The following RNF217 variants were observed in gnomAD, a reference collection of about 807,000 sequenced individuals.
The protein encoded by RNF217 is ring finger protein 217.
A neutral mutation model predicts 57.8 loss-of-function variants in RNF217; 31 were observed. That is an observed-to-expected ratio of 0.54 (90% confidence interval 0.40 to 0.72). The LOEUF (loss-of-function observed/expected upper bound fraction) is 0.72. Among genes scored for constraint, RNF217 ranks in the 30% least tolerant of loss-of-function variants. The pLI is 0.00. For missense variants in RNF217, 696 were observed against 708.3 expected (o/e 0.98, Z 0.20); for synonymous variants, 313 against 294.0 (o/e 1.06, Z -0.66).
chr6:125,037,732 G>A (rs918942891), intron 1 of RNF217, among the ~76,000 whole-genome samples: 1 of 152,120 alleles, frequency 6.6e-6, no homozygotes, highest in African/African-American at 2.4e-5. Flanking sequence ...TGCTTTGCTT[G>A]TAGTAGATCT....
intron 1 of RNF217, among the ~76,000 whole-genome samples, chr6:125,004,308 G>A (rs1414279923): frequency 6.6e-6 from 1 of 152,106 alleles, no homozygotes; most frequent in Admixed American, 6.6e-5. Context: ...AAGAACAGCT[G>A]GCATCAGGTG....
chr6:124,992,601 A>C (rs1403189252), intron 1 of RNF217, among the ~76,000 whole-genome samples: 2 of 152,152 alleles, frequency 1.3e-5, no homozygotes, highest in African/African-American at 4.8e-5. Context: ...TTTCTTGTTG[A>C]AATTGACTTG....
intron 1 of RNF217, among the ~76,000 whole-genome samples, chr6:125,018,155 A>G (rs1785684239): frequency 6.6e-6 from 1 of 152,178 alleles, no homozygotes; most frequent in South Asian, 2.1e-4. Flanking sequence ...TCAAATTAGC[A>G]TTAATTAGAG....
At chr6:125,022,386 T>G (rs747785663) in intron 1 of RNF217, among the ~76,000 whole-genome samples, 1 of 152,204 alleles carries the variant, frequency 6.6e-6, no homozygotes, top group Non-Finnish European at 1.5e-5. Flanking sequence ...CAAAAATAAG[T>G]AACAATTAAT....
At chr6:124,982,026 CAAAAAA>C (rs373182508) in intron 1 of RNF217, among the ~76,000 whole-genome samples, 1 of 58,380 alleles carries the variant, frequency 1.7e-5, no homozygotes, top group African/African-American at 7.4e-5. Context: ...GACTCTGTCT[CAAAAAA>C]AAAAAAAAAA....
intron 1 of RNF217, among the ~76,000 whole-genome samples, chr6:125,036,023 A>C (rs1293263519): frequency 6.6e-5 from 10 of 152,042 alleles, no homozygotes; most frequent in Non-Finnish European, 1.5e-4. Context: ...CCCGTCATCT[A>C]GGCTTTAAGC....
intron 1 of RNF217, among the ~76,000 whole-genome samples, chr6:125,017,795 CTG>C (rs1487592262): frequency 6.6e-6 from 1 of 152,086 alleles, no homozygotes; most frequent in Non-Finnish European, 1.5e-5. Flanking sequence ...TCTATTCAAA[CTG>C]TGTTCAGTAG....
chr6:124,983,593 G>C (rs1194815601), intron 1 of RNF217: 1 of 661,934 alleles, frequency 1.5e-6, no homozygotes, highest in Non-Finnish European at 1.9e-6. Flanking sequence ...ACTTTCATAA[G>C]GGTGTGGGGG....
intron 1 of RNF217, among the ~76,000 whole-genome samples, chr6:124,966,932 C>G (rs189054610): frequency 1.8e-4 from 27 of 152,310 alleles, no homozygotes; most frequent in Non-Finnish European, 4.4e-5. Context: ...TAGTTCTTCT[C>G]CAGTTATTGC....
In RNF217 at chr6:125,028,315, G is replaced by T. The variant is rs138141789; in HGVS notation, c.883-16896G>T. Among the ~76,000 whole-genome samples, 880 of 152,046 alleles carry T rather than the reference G, an allele frequency of 5.8e-3. 9 individuals carry two copies. Among genetic ancestry groups the T allele is most frequent in the African/African-American group, 0.02 (826 of 41,492 alleles). ...GAACAACACACAAAGATAATTTGAG[G>T]ACCCCAAGATAGGAGCACCTTTTCA... On this transcript the variant is annotated intron_variant, in intron 1 of 5. Coordinates refer to ENST00000521654, the MANE Select transcript of RNF217 (RefSeq NM_001286398.3).
intron 1 of RNF217, among the ~76,000 whole-genome samples, chr6:124,997,812 G>C (rs577524622): frequency 4.7e-4 from 71 of 152,140 alleles, no homozygotes; most frequent in Admixed American, 1.3e-3. Context: ...GGCTTTTCTA[G>C]ACTCTACTAA....
intron 1 of RNF217, among the ~76,000 whole-genome samples, chr6:125,020,522 A>G (rs967206967): frequency 3.3e-5 from 5 of 151,806 alleles, no homozygotes. Flanking sequence ...TTGGGACTTT[A>G]TAGAACCATG....
rs1783365985 is a variant in RNF217, at chr6:124,963,099, C to T, written c.555C>T (p.Pro185=). 3 of 1,541,620 alleles carry T rather than the reference C, an allele frequency of 1.9e-6. No homozygotes were observed. The highest frequency in any genetic ancestry group is 4.9e-5 in the East Asian group (2 of 41,142). Residue 185 remains proline, a synonymous_variant, in exon 1 of 6, where the codon CCC becomes CCT. Transcript: ENST00000521654. ...EAPASEQLSP[P]ASPPGAPPVL... is the part of the protein sequence containing the mutation. Reference sequence around the variant, plus strand: ...CCGCCTCGGAGCAGCTCTCGCCGCCCGCGTCGCCACCTGGGGCTCCGCCAG... The same window carrying T: ...CCGCCTCGGAGCAGCTCTCGCCGCCTGCGTCGCCACCTGGGGCTCCGCCAG...
At position 124,986,840 on chromosome 6, in the gene RNF217, A is replaced by G. The variant is rs114333876; in HGVS notation, c.882+23414A>G. 5.1e-3 allele frequency among the ~76,000 whole-genome samples: 779 copies of G among 152,326 alleles called. 9 individuals carry two copies. Among genetic ancestry groups the G allele is most frequent in the African/African-American group, 0.018 (752 of 41,588 alleles). On this transcript the variant is annotated intron_variant, in intron 1 of 5. Coordinates refer to ENST00000521654, the MANE Select transcript of RNF217 (RefSeq NM_001286398.3). ...ATTAGTAATAATAAAGTATCTTGAA[A>G]TTTGTAATATAGATTTACTAATGTA... is the stretch of plus-strand genomic sequence containing the variant.
intron 1 of RNF217, among the ~76,000 whole-genome samples, chr6:125,022,312 A>G (rs1785876041): frequency 6.6e-6 from 1 of 152,238 alleles, no homozygotes. Flanking sequence ...ATATAGCTCC[A>G]TTATATACAG....
At chr6:124,992,358 C>T (rs1310963051) in intron 1 of RNF217, among the ~76,000 whole-genome samples, 1 of 151,748 alleles carries the variant, frequency 6.6e-6, no homozygotes, top group African/African-American at 2.4e-5. Flanking sequence ...TTTCTATTCC[C>T]AAATGAAAAC....
intron 1 of RNF217, among the ~76,000 whole-genome samples, chr6:125,029,750 T>C (rs1195370120): frequency 1.3e-5 from 2 of 152,196 alleles, no homozygotes; most frequent in Non-Finnish European, 2.9e-5. Flanking sequence ...GATCTTGTCA[T>C]TATATCTGTT....
chr6:125,033,047 G>T (rs1280733830), intron 1 of RNF217, among the ~76,000 whole-genome samples: 5 of 151,868 alleles, frequency 3.3e-5, no homozygotes, highest in Non-Finnish European at 7.4e-5. Context: ...ATGCTCACTG[G>T]CCATTTGGAC....
At chr6:124,964,179 G>A (rs1274946224) in intron 1 of RNF217, among the ~76,000 whole-genome samples, 1 of 152,152 alleles carries the variant, frequency 6.6e-6, no homozygotes. Flanking sequence ...CGGTGAATGC[G>A]TTCTTCCAGC....
Sources: allele counts gnomAD v4.1 joint callset (sites outside exome capture counted in the v4.1 genomes callset), GRCh38; gene constraint gnomAD v4.1.1; transcripts MANE v1.5; gene names NCBI Gene and HGNC (gene_info 2026-07-23, HGNC 2026-07-21).